Variants in NSD1 observed in about 807,000 individuals in gnomAD.
NSD1 encodes the protein histone-lysine N-methyltransferase, H3 lysine-36 specific.
In NSD1, 26 loss-of-function variants were observed where a neutral mutation model predicts 242.7. That is an observed-to-expected ratio of 0.11 (90% CI 0.08 to 0.15). The LOEUF (loss-of-function observed/expected upper bound fraction) is 0.15, where lower values mean the gene tolerates loss of function less well. Among genes scored for constraint, NSD1 ranks in the 10% least tolerant of loss-of-function variants. NSD1 has a pLI of 1.00. For missense variants in NSD1, 2,495 were observed against 3,272.8 expected, an observed-to-expected ratio of 0.76 and a Z score of 5.80; for synonymous variants, 1,106 against 1,178.1, an observed-to-expected ratio of 0.94 and a Z score of 1.25.
chr5:177,225,899 G>A (rs1764592793), intron 5 of NSD1, among the ~76,000 whole-genome samples: 1 of 152,132 alleles, frequency 6.6e-6, no homozygotes, highest in South Asian at 2.1e-4. Context: ...GATACTCAGT[G>A]TATGAATTAC....
chr5:177,279,625 T>A (rs894040591), intron 17 of NSD1, among the ~76,000 whole-genome samples: 58 of 133,762 alleles, frequency 4.3e-4, no homozygotes, highest in Non-Finnish European at 7.6e-4. Flanking sequence ...TTTTTTTTTT[T>A]TTTTTTTTTT....
intron 2 of NSD1, among the ~76,000 whole-genome samples, chr5:177,186,381 T>A (rs1321693341): frequency 6.6e-6 from 1 of 152,004 alleles, no homozygotes; most frequent in Non-Finnish European, 1.5e-5. Flanking sequence ...AAGAGATTGA[T>A]AGCCAATGAC....
intron 5 of NSD1, among the ~76,000 whole-genome samples, chr5:177,230,335 T>TA (rs1257574133): frequency 6.6e-6 from 1 of 152,112 alleles, no homozygotes; most frequent in Non-Finnish European, 1.5e-5. Flanking sequence ...TTTTAGGTTT[T>TA]ATGAGCCATA....
At chr5:177,145,891 A>G (rs1757200227) in intron 2 of NSD1, among the ~76,000 whole-genome samples, 1 of 143,206 alleles carries the variant, frequency 7.0e-6, no homozygotes, top group African/African-American at 2.7e-5. Flanking sequence ...CTGGGCTAGA[A>G]GAGCGAAACT....
rs543828035 is a variant in NSD1, at chr5:177,214,403, T to A, written c.3796+2208T>A. On this transcript the variant is annotated intron_variant, in intron 5 of 22. Coordinates refer to ENST00000439151, the MANE Select transcript of NSD1 (RefSeq NM_022455.5). The stretch of plus-strand genomic sequence containing the variant: ...GTGTGTATTATAGTGTCATGAATCA[T>A]GTACATGTACAACAGCAGATCTCCA... Among the ~76,000 whole-genome samples, 15 of 152,294 alleles carry A rather than the reference T, an allele frequency of 9.8e-5. No homozygotes were observed. In the South Asian group the frequency reaches 1.7e-3, roughly 17 times the overall value.
upstream of NSD1, among the ~76,000 whole-genome samples, chr5:177,132,080 G>A (rs1038265958): frequency 2.6e-5 from 4 of 152,218 alleles, no homozygotes; most frequent in African/African-American, 9.6e-5. The surrounding 1 kb of genome is among the most constrained non-coding windows in gnomAD (Gnocchi z 7.5). Flanking sequence ...ACGCCACGCG[G>A]TCGTGCTAGA....
At chr5:177,196,531 C>T (rs1242919156) in intron 3 of NSD1, among the ~76,000 whole-genome samples, 1 of 152,164 alleles carries the variant, frequency 6.6e-6, no homozygotes, top group African/African-American at 2.4e-5. Context: ...GCTTTCAGTT[C>T]TCAGGTTTCC....
intron 8 of NSD1, among the ~76,000 whole-genome samples, chr5:177,241,628 G>A (rs1765879501): frequency 6.6e-6 from 1 of 152,022 alleles, no homozygotes; most frequent in Non-Finnish European, 1.5e-5. Context: ...TTTACTTTTG[G>A]GGAGAGGGGG....
chr5:177,177,331 C>T (rs994189583), intron 2 of NSD1, among the ~76,000 whole-genome samples: 2 of 151,874 alleles, frequency 1.3e-5, no homozygotes, highest in African/African-American at 4.8e-5. Flanking sequence ...CCTTGCCAAC[C>T]TGGTGAAACC....
chr5:177,243,562 A>G (rs979368991), intron 8 of NSD1, among the ~76,000 whole-genome samples: 4 of 152,196 alleles, frequency 2.6e-5, no homozygotes, highest in Non-Finnish European at 5.9e-5. Flanking sequence ...CTCTGGGTAC[A>G]TACCCCTTCT....
In NSD1 at chr5:177,143,387, T is replaced by A. The variant is rs113220843; in HGVS notation, c.927+7357T>A. 4.9e-3 allele frequency among the ~76,000 whole-genome samples: 750 copies of A among 152,242 alleles called. 4 individuals are homozygous for A. Among genetic ancestry groups the A allele is most frequent in the Middle Eastern group, 0.01 (3 of 294 alleles). The stretch of plus-strand genomic sequence containing the variant: ...CACAGGTTCGAGGGCAGTGGTGCGA[T>A]CTTGGCTCACTGCAATCTCCGTCTG... On this transcript the variant is annotated intron_variant, in intron 2 of 22. Transcript: ENST00000439151.
upstream of NSD1, chr5:177,133,683 A>T (rs1756026980): frequency 6.8e-6 from 1 of 147,278 alleles, no homozygotes; most frequent in Non-Finnish European, 1.5e-5. This position sits in a 1 kb window ranked among gnomAD's most constrained non-coding sequence, Gnocchi z 6.2. Context: ...GTGCGCGCGC[A>T]CTCGGGGCCC....
At chr5:177,223,087 T>C (rs114558757) in intron 5 of NSD1, among the ~76,000 whole-genome samples, 4,678 of 150,248 alleles carry the variant, frequency 0.031, 83 homozygotes, top group African/African-American at 0.049. Flanking sequence ...TTTTCTTTTT[T>C]TTTTTTTTCA....
intron 2 of NSD1, among the ~76,000 whole-genome samples, chr5:177,176,382 G>T (rs1321929071): frequency 6.6e-6 from 1 of 150,548 alleles, no homozygotes; most frequent in Non-Finnish European, 1.5e-5. Flanking sequence ...ATCCCATAGT[G>T]CTGTGTTGGG....
intron 3 of NSD1, among the ~76,000 whole-genome samples, chr5:177,196,882 C>T (rs1001510418): frequency 2.0e-5 from 3 of 152,134 alleles, no homozygotes; most frequent in South Asian, 2.1e-4. Flanking sequence ...TTCTAAGATT[C>T]TCAGTGGATG....
Position 177,257,134 on chromosome 5 carries a change from A to G in NSD1, c.4949A>G (p.Asn1650Ser), listed in dbSNP as rs148839758. 5.5e-5 allele frequency: 89 copies of G among 1,613,712 alleles called. No homozygotes were observed. The African/African-American group carries it at 1.0e-3, about 19-fold the overall frequency. The change falls in exon 13 of 23, where the codon AAT becomes AGT. Residue 1650 changes from asparagine to serine, a missense_variant. This residue lies in a region of NSD1 where 32 missense variants were observed against 46.9 expected (regional missense o/e 0.68). Transcript: ENST00000439151. Reference protein sequence around the residue: ...CITCHAANPANVSASKGRLMR... With the variant: ...CITCHAANPASVSASKGRLMR... The stretch of plus-strand genomic sequence containing the variant: ...ACCTGTCATGCTGCTAATCCAGCCA[A>G]TGTTTCTGCATCTAAAGGTATGGAT...
rs1227791937 is a variant in NSD1, at chr5:177,211,382, CTACCTGGCT to C, written c.2987_2995del (p.Pro996_Leu998del). ...ATTATCTGGCGAGTTGTCTGCTTCC[CTACCTGGCT>C]TACTGTCCGACAAGAGAGACCTCCC... On this transcript the variant is annotated inframe_deletion, in exon 5 of 23. Transcript: ENST00000439151. 1 of 1,614,110 alleles carries C rather than the reference CTACCTGGCT, an allele frequency of 6.2e-7. No homozygotes were observed. The highest frequency in any genetic ancestry group is 8.5e-7 in the Non-Finnish European group (1 of 1,180,030).
rs766572224 is a variant in NSD1, at chr5:177,260,053, T to C, written c.5031T>C (p.Ala1677=). 12 of 1,614,254 alleles carry C rather than the reference T, an allele frequency of 7.4e-6. No individual in the cohort carries two copies. The highest frequency in any genetic ancestry group is 1.6e-4 in the Middle Eastern group (1 of 6,062). ...ACGCCAATGACTTTTGCCTGGCTGC[T>C]GGGTCAAAGATCCTTGCATCTAATA... ...AYHANDFCLA[A]GSKILASNSI... The change falls in exon 14 of 23, where the codon GCT becomes GCC. Residue 1677 remains alanine (A), a synonymous_variant. Transcript: ENST00000439151.
In NSD1 at chr5:177,293,890, C is replaced by T. The variant is rs780929643; in HGVS notation, c.6522C>T (p.Phe2174=). 1.4e-5 allele frequency: 23 copies of T among 1,614,036 alleles called. No individual in the cohort carries two copies. Among genetic ancestry groups the T allele is most frequent in the Non-Finnish European group, 1.7e-5 (20 of 1,180,036 alleles). ...CDICGKEAAS[F]CEMCPSSFCK... is the part of the protein sequence containing the mutation. ...TCTGCGGGAAGGAAGCAGCCTCCTT[C>T]TGTGAGATGTGCCCCAGCTCCTTTT... Residue 2174 remains phenylalanine, a synonymous_variant, in exon 23 of 23, where the codon TTC becomes TTT. Coordinates refer to ENST00000439151, the MANE Select transcript of NSD1 (RefSeq NM_022455.5).
Sources: gnomAD v4.1 joint callset for allele counts (sites outside exome capture counted in the v4.1 genomes callset) on GRCh38, gnomAD v4.1.1 for gene constraint, gnomAD v4.1.1 regional missense constraint, Gnocchi (gnomAD v3.1) non-coding constraint, MANE v1.5 for transcripts, NCBI Gene and HGNC (gene_info 2026-07-23, HGNC 2026-07-21) for gene names.